The following TRAPPC3L variants were observed in gnomAD, a reference collection of about 807,000 sequenced individuals.
TRAPPC3L encodes the protein trafficking protein particle complex subunit 3L, also known as trafficking protein particle complex subunit 3-like protein.
TRAPPC3L carries 23 observed loss-of-function variants against 23.7 expected under a neutral mutation model. The observed-to-expected ratio is 0.97, with a 90% CI of 0.70 to 1.37. TRAPPC3L has a LOEUF of 1.37. Ranked by LOEUF, TRAPPC3L falls within the 40% of genes most tolerant of loss-of-function variation. The probability of loss-of-function intolerance (pLI) is 0.00; values close to 1 mark genes in which losing one functional copy is unlikely to be tolerated. For synonymous variants in TRAPPC3L, 81 were observed against 77.9 expected, an observed-to-expected ratio of 1.04 and a Z score of -0.21; for missense variants, 212 against 216.8, an observed-to-expected ratio of 0.98 and a Z score of 0.14.
At chr6:116,515,966 G>A in intron 3 of TRAPPC3L, 1 of 1,605,844 alleles carries the variant, frequency 6.2e-7, no homozygotes, top group Non-Finnish European at 8.5e-7. Context: ...AATGGTCCTT[G>A]TGGGTACTGC....
At chr6:116,497,315 A>G (rs1417298052) in intron 4 of TRAPPC3L, among the ~76,000 whole-genome samples, 1 of 152,222 alleles carries the variant, frequency 6.6e-6, no homozygotes, top group East Asian at 1.9e-4. Flanking sequence ...TGGGACACCC[A>G]GCCTCTGCCA....
chr6:116,505,682 T>A (rs1771992846), intron 3 of TRAPPC3L, among the ~76,000 whole-genome samples: 1 of 151,996 alleles, frequency 6.6e-6, no homozygotes, highest in Admixed American at 6.6e-5. Flanking sequence ...TATAGACCAA[T>A]GGAACAGAAC....
intron 3 of TRAPPC3L, among the ~76,000 whole-genome samples, chr6:116,540,028 T>C (rs1562353328): frequency 6.6e-6 from 1 of 152,154 alleles, no homozygotes; most frequent in African/African-American, 2.4e-5. Flanking sequence ...GTGCTGAAAA[T>C]TATCGTAAAG....
chr6:116,516,280 A>G (rs911132968), intron 3 of TRAPPC3L: 1 of 274,324 alleles, frequency 3.6e-6, no homozygotes, highest in African/African-American at 2.2e-5. Context: ...GACTCATGTG[A>G]GAGGGCTCAT....
chr6:116,543,399 T>C lies in TRAPPC3L; in HGVS notation c.44A>G (p.Asn15Ser). 3 of 1,548,098 alleles carry C rather than the reference T, an allele frequency of 1.9e-6. No homozygotes were observed. Among genetic ancestry groups the C allele is most frequent in the South Asian group, 2.4e-5 (2 of 83,610 alleles). Residue 15 changes from asparagine to serine, a missense_variant and splice_region_variant, in exon 2 of 5, where the codon AAT (asparagine) becomes AGT (serine). By Grantham distance (46) the Asn-to-Ser change is conservative. Coordinates refer to ENST00000368602, the MANE Select transcript of TRAPPC3L (RefSeq NM_001139444.3). ...ATAGGTAAGGACAAAGAGATCTTTA[T>C]TCTGGAGAAAAAGGGGTAGTTTCTG... ...AHRRPEYHKI[N>S]KDLFVLTYGA...
At chr6:116,500,362 TA>T in intron 4 of TRAPPC3L, 118 bp downstream of exon 4, 1 of 917,226 alleles carries the variant, frequency 1.1e-6, no homozygotes, top group Non-Finnish European at 1.6e-6. Flanking sequence ...GGGTAATTTG[TA>T]ACACACCATT....
intron 3 of TRAPPC3L, chr6:116,517,195 G>T (rs1772245438): frequency 1.3e-5 from 2 of 152,086 alleles, no homozygotes; most frequent in Admixed American, 6.6e-5. Context: ...TCAGCTTGGG[G>T]GTTAAGATTT....
In TRAPPC3L at chr6:116,538,784, T is replaced by G. The variant is rs148258345; in HGVS notation, c.240+1579A>C. The stretch of plus-strand genomic sequence containing the variant: ...TCTTGCTCTGTCACCCAGGCTGGAG[T>G]GCAGTTGCATGATCTTGACTCACTG... On this transcript the variant is annotated intron_variant, in intron 3 of 4. Coordinates refer to ENST00000368602, the MANE Select transcript of TRAPPC3L (RefSeq NM_001139444.3). Among the ~76,000 whole-genome samples, 810 of 151,398 alleles carry G rather than the reference T, an allele frequency of 5.4e-3. 8 individuals carry two copies. Among genetic ancestry groups the G allele is most frequent in the African/African-American group, 0.018 (761 of 41,230 alleles).
chr6:116,530,187 G>A (rs939544634), intron 3 of TRAPPC3L, among the ~76,000 whole-genome samples: 2 of 151,922 alleles, frequency 1.3e-5, no homozygotes, highest in African/African-American at 4.8e-5. Context: ...AGCAAAGTAA[G>A]TAAAATACAG....
At chr6:116,511,574 T>C (rs962716331) in intron 3 of TRAPPC3L, 2 of 833,196 alleles carry the variant, frequency 2.4e-6, no homozygotes, top group Non-Finnish European at 3.8e-6. Flanking sequence ...TTTCCTTATC[T>C]GGCTCAATTC....
chr6:116,529,492 G>A (rs945574038), intron 3 of TRAPPC3L, among the ~76,000 whole-genome samples: 3 of 152,208 alleles, frequency 2.0e-5, no homozygotes, highest in Non-Finnish European at 2.9e-5. Flanking sequence ...CTGTCAGGCT[G>A]CTTTTGGTAG....
At chr6:116,528,815 G>A (rs1427321474) in intron 3 of TRAPPC3L, among the ~76,000 whole-genome samples, 5 of 152,166 alleles carry the variant, frequency 3.3e-5, no homozygotes, top group Admixed American at 3.3e-4. Flanking sequence ...AATATAGTAT[G>A]TTGAAAAGAG....
At chr6:116,524,578 T>C (rs1772410473) in intron 3 of TRAPPC3L, 1 of 152,240 alleles carries the variant, frequency 6.6e-6, no homozygotes, top group Non-Finnish European at 1.5e-5. Context: ...GGCCACAGCC[T>C]GATTTCTGAT....
intron 3 of TRAPPC3L, among the ~76,000 whole-genome samples, chr6:116,505,093 T>A (rs9400926): frequency 2.0e-5 from 3 of 151,962 alleles, no homozygotes; most frequent in South Asian, 2.1e-4. Context: ...TGTTTGCAGA[T>A]GACATGATTG....
chr6:116,519,337 G>A (rs960285239), intron 3 of TRAPPC3L: 2 of 152,156 alleles, frequency 1.3e-5, no homozygotes, highest in Admixed American at 6.6e-5. Context: ...TGACCTATGG[G>A]GGGGCTCTGG....
chr6:116,539,262 T>C (rs1239753657), intron 3 of TRAPPC3L, among the ~76,000 whole-genome samples: 1 of 152,240 alleles, frequency 6.6e-6, no homozygotes, highest in Non-Finnish European at 1.5e-5. Context: ...ATCTTACTTA[T>C]ATTCTGACAA....
intron 3 of TRAPPC3L, among the ~76,000 whole-genome samples, chr6:116,501,431 G>A (rs919675714): frequency 1.3e-5 from 2 of 152,250 alleles, no homozygotes; most frequent in African/African-American, 4.8e-5. Context: ...CACCTCTGGG[G>A]GCAGGGCATA....
intron 3 of TRAPPC3L, among the ~76,000 whole-genome samples, chr6:116,530,941 ATATG>A (rs1418205962): frequency 7.6e-6 from 1 of 132,210 alleles, no homozygotes; most frequent in African/African-American, 2.8e-5. Flanking sequence ...ATATATATAT[ATATG>A]TTACTAATTT....
At chr6:116,540,583 A>C in intron 2 of TRAPPC3L, 121 bp from the exon 3 acceptor site, 3 of 948,872 alleles carry the variant, frequency 3.2e-6, no homozygotes, top group Non-Finnish European at 4.8e-6. Flanking sequence ...CAAACCAAAT[A>C]TGACGAGTCA....
Sources: allele counts gnomAD v4.1 joint callset (sites outside exome capture counted in the v4.1 genomes callset), GRCh38; gene constraint gnomAD v4.1.1; transcripts MANE v1.5; gene names NCBI Gene and HGNC (gene_info 2026-07-23, HGNC 2026-07-21).